Variants in SLIT2 observed in about 807,000 individuals in gnomAD.
The protein encoded by SLIT2 is slit guidance ligand 2.
SLIT2 carries 41 observed loss-of-function variants against 185.7 expected under a neutral mutation model. The ratio of observed to expected loss-of-function variants is 0.22; its 90% CI spans 0.17 to 0.29. SLIT2 has a LOEUF of 0.29. Among genes scored for constraint, SLIT2 ranks in the 10% least tolerant of loss-of-function variants. SLIT2 has a pLI of 1.00. For synonymous variants in SLIT2, 693 were observed against 680.2 expected (o/e 1.02, Z -0.29); for missense variants, 1,571 against 1,909.0 (o/e 0.82, Z 3.30).
At chr4:20,604,175 C>G (rs1728614128) in intron 33 of SLIT2, among the ~76,000 whole-genome samples, 1 of 152,144 alleles carries the variant, frequency 6.6e-6, no homozygotes, top group South Asian at 2.1e-4. Flanking sequence ...AATAAATACC[C>G]AAGTGGGAAT....
At chr4:20,559,591 C>A (rs978763710) in intron 26 of SLIT2, among the ~76,000 whole-genome samples, 8 of 151,912 alleles carry the variant, frequency 5.3e-5, no homozygotes, top group African/African-American at 1.9e-4. Context: ...TAGCTAAGTT[C>A]TATTGAATAG....
At chr4:20,514,889 T>G (rs1328733329) in intron 11 of SLIT2, among the ~76,000 whole-genome samples, 2 of 152,078 alleles carry the variant, frequency 1.3e-5, no homozygotes, top group African/African-American at 2.4e-5. Flanking sequence ...TCATGTCGTT[T>G]TCAGGGATTT....
At chr4:20,316,739 C>T (rs564296541) in intron 4 of SLIT2, among the ~76,000 whole-genome samples, 2 of 150,790 alleles carry the variant, frequency 1.3e-5, no homozygotes, top group South Asian at 2.1e-4. Flanking sequence ...TTTACCTATA[C>T]ATTAGTTGTT....
intron 9 of SLIT2, among the ~76,000 whole-genome samples, chr4:20,509,127 A>C (rs1049204284): frequency 6.6e-6 from 1 of 151,644 alleles, no homozygotes; most frequent in Non-Finnish European, 1.5e-5. Flanking sequence ...CATGATATTT[A>C]TTCATATTTA....
At chr4:20,486,477 G>A (rs1039835774) in intron 7 of SLIT2, among the ~76,000 whole-genome samples, 2 of 151,900 alleles carry the variant, frequency 1.3e-5, no homozygotes, top group African/African-American at 4.8e-5. Context: ...TATGCATTAT[G>A]GAAACTTTGG....
At chr4:20,609,937 T>C (rs1729084308) in intron 33 of SLIT2, 76 bp from the exon 34 acceptor site, 4 of 1,376,518 alleles carry the variant, frequency 2.9e-6, no homozygotes, top group African/African-American at 1.5e-5. Context: ...GGAGCACTTA[T>C]CAAAGTTTGT....
chr4:20,465,315 T>A (rs1301284631), intron 4 of SLIT2, among the ~76,000 whole-genome samples: 1 of 152,220 alleles, frequency 6.6e-6, no homozygotes, highest in African/African-American at 2.4e-5. Context: ...AAACAGTATC[T>A]ATTTTACAAG....
intron 4 of SLIT2, among the ~76,000 whole-genome samples, chr4:20,368,219 C>CAAAAAAAAAAAAAAAGA (rs1723279346): frequency 1.3e-4 from 14 of 107,258 alleles, no homozygotes; most frequent in Middle Eastern, 5.9e-3. Flanking sequence ...CACAAAATAG[C>CAAAAAAAAAAAAAAAGA]AAAAAAAAAA....
intron 4 of SLIT2, among the ~76,000 whole-genome samples, chr4:20,319,192 C>T (rs751990999): frequency 1.1e-4 from 16 of 152,178 alleles, no homozygotes; most frequent in Non-Finnish European, 1.6e-4. Flanking sequence ...GAATTAGATA[C>T]AGTCCTTGCC....
intron 15 of SLIT2, among the ~76,000 whole-genome samples, chr4:20,526,307 T>C (rs1721288561): frequency 6.6e-6 from 1 of 152,156 alleles, no homozygotes; most frequent in Non-Finnish European, 1.5e-5. Context: ...TCAATAGCAT[T>C]GTATATTATT....
intron 9 of SLIT2, among the ~76,000 whole-genome samples, chr4:20,493,064 T>C (rs1257260803): frequency 6.6e-6 from 1 of 152,182 alleles, no homozygotes; most frequent in African/African-American, 2.4e-5. Context: ...AAGACATCTT[T>C]TAGTATTTTT....
chr4:20,468,733 C>T (rs1714638482), intron 5 of SLIT2, among the ~76,000 whole-genome samples: 2 of 151,918 alleles, frequency 1.3e-5, no homozygotes, highest in Non-Finnish European at 2.9e-5. Flanking sequence ...GAGAAAAGCC[C>T]CTGTATGCTG....
chr4:20,352,487 T>C (rs1721964725), intron 4 of SLIT2, among the ~76,000 whole-genome samples: 1 of 152,188 alleles, frequency 6.6e-6, no homozygotes, highest in South Asian at 2.1e-4. Flanking sequence ...ATTTATTACA[T>C]ATAAATATGT....
At chr4:20,431,067 C>T (rs781053923) in intron 4 of SLIT2, among the ~76,000 whole-genome samples, 4 of 152,296 alleles carry the variant, frequency 2.6e-5, no homozygotes, top group African/African-American at 9.6e-5. Context: ...GCCTGAGATC[C>T]GATCTAAGGA....
intron 4 of SLIT2, among the ~76,000 whole-genome samples, chr4:20,405,467 T>A (rs1433541141): frequency 6.6e-6 from 1 of 151,964 alleles, no homozygotes; most frequent in Non-Finnish European, 1.5e-5. Flanking sequence ...GACAGAAACA[T>A]TTTTTTCTTT....
intron 14 of SLIT2, 44 bp from the exon 15 acceptor site, chr4:20,525,105 A>G (rs751399871): frequency 1.4e-6 from 2 of 1,438,460 alleles, no homozygotes; most frequent in Admixed American, 1.7e-5. Flanking sequence ...CTGCTTGCTG[A>G]CATTCAGGTG....
intron 20 of SLIT2, 59 bp downstream of exon 20, chr4:20,541,678 G>A: frequency 7.2e-7 from 1 of 1,398,490 alleles, no homozygotes. Flanking sequence ...TTCTGATGCA[G>A]CTTTGCACAA....
Position 20,253,895 on chromosome 4 carries a change from C to T in SLIT2, c.80C>T (p.Ala27Val). The T allele has an allele frequency of 6.2e-7, 1 of 1,601,538 alleles. No individual in the cohort carries two copies. Among genetic ancestry groups the T allele is most frequent in the Non-Finnish European group, 8.5e-7 (1 of 1,179,886 alleles). The change falls in exon 1 of 37, where the codon GCG becomes GTG. Residue 27 changes from alanine to valine, a missense_variant. Ala to Val is a moderately conservative substitution (Grantham distance 64). Transcript: ENST00000504154. ...ATCCTGAACAAGGTGGCACCGCAGG[C>T]GTGCCCGGCGCAGTGCTCTTGCTCG... is the stretch of plus-strand genomic sequence containing the variant. ...LAILNKVAPQACPAQCSCSGS... is the reference protein window; with the variant it reads ...LAILNKVAPQVCPAQCSCSGS...
At chr4:20,393,455 T>C (rs1725607594) in intron 4 of SLIT2, 1 of 152,100 alleles carries the variant, frequency 6.6e-6, no homozygotes, top group Non-Finnish European at 1.5e-5. Flanking sequence ...TTGTTGCTAG[T>C]GAGCATTTTT....
Sources: gnomAD v4.1 joint callset for allele counts (sites outside exome capture counted in the v4.1 genomes callset) on GRCh38, gnomAD v4.1.1 for gene constraint, MANE v1.5 for transcripts, NCBI Gene and HGNC (gene_info 2026-07-23, HGNC 2026-07-21) for gene names.